The following PIGA variants were observed in gnomAD, a reference collection of about 807,000 sequenced individuals.
PIGA encodes phosphatidylinositol glycan anchor biosynthesis class A.
PIGA carries 3 observed loss-of-function variants against 17.1 expected under a neutral mutation model. The observed-to-expected ratio is 0.18, with a 90% confidence interval of 0.08 to 0.45. The LOEUF (loss-of-function observed/expected upper bound fraction) is 0.45, where lower values mean the gene tolerates loss of function less well. PIGA is among the 20% of genes least tolerant of loss of function. PIGA has a pLI of 0.99. For synonymous variants in PIGA, 126 were observed against 135.1 expected, an observed-to-expected ratio of 0.93 and a Z score of 0.47; for missense variants, 231 against 374.1, an observed-to-expected ratio of 0.62 and a Z score of 3.16.
intron 1 of PIGA, among the ~76,000 whole-genome samples, chrX:15,332,861 C>T (rs1922208545): frequency 8.9e-6 from 1 of 111,924 alleles, no homozygotes; most frequent in East Asian, 2.8e-4. Context: ...AGCCATCCAG[C>T]CAACTTACCA....
intron 5 of PIGA, among the ~76,000 whole-genome samples, chrX:15,322,774 T>C (rs1921855334): frequency 8.9e-6 from 1 of 112,011 alleles, no homozygotes; most frequent in Admixed American, 9.5e-5. Flanking sequence ...TTGAGAATTA[T>C]GCTGAGACTG....
chrX:15,333,078 T>C (rs1922215385), intron 1 of PIGA, among the ~76,000 whole-genome samples: 1 of 112,203 alleles, frequency 8.9e-6, no homozygotes, highest in Admixed American at 9.4e-5. Context: ...TAAAGTTTTA[T>C]AGGCTCATAG....
chrX:15,327,920 TAAG>T, intron 2 of PIGA: 2 of 111,947 alleles, frequency 1.8e-5, no homozygotes, highest in Non-Finnish European at 3.8e-5. Context: ...ATTCTTATTC[TAAG>T]AATAAGGGCT....
rs185874005 is a variant in PIGA at position 15,335,488 on chromosome X, G to C, written c.-63+13C>G. ...CCAGAGCGCTGGAGAGGGGCGGCGC[G>C]ACGCGCACTCACCGGTGAGTTCCAT... On this transcript the variant is annotated intron_variant, in intron 1 of 5. Coordinates refer to ENST00000333590, the MANE Select transcript of PIGA (RefSeq NM_002641.4). The C allele has an allele frequency of 1.2e-5, 12 of 984,585 alleles. No homozygotes were observed. In the African/African-American group the frequency reaches 1.6e-4, roughly 13 times the overall value. 81.1% of individuals were successfully genotyped at this position (984,585 alleles called of 1,213,427 possible).
Position 15,321,312 on chromosome X carries a change from T to C in PIGA, c.*194A>G. ...TGTTCTCTCCTAAATTTTAAATAAG[T>C]GCAAGAAGTTTCTACACTCAGGAAT... On this transcript the variant is annotated 3_prime_UTR_variant, in exon 6 of 6. Transcript: ENST00000333590. 2 of 392,478 alleles carry C rather than the reference T, an allele frequency of 5.1e-6. No individual in the cohort carries two copies. The highest frequency in any genetic ancestry group is 8.8e-6 in the Non-Finnish European group (2 of 227,138). 32.3% of individuals were successfully genotyped at this position (392,478 alleles called of 1,213,427 possible).
chrX:15,322,842 C>T (rs1335540899), intron 5 of PIGA, among the ~76,000 whole-genome samples: 1 of 111,807 alleles, frequency 8.9e-6, no homozygotes, highest in Non-Finnish European at 1.9e-5. Context: ...ATTTCATGAT[C>T]GATTTCCTAA....
At chrX:15,324,308 AAT>A (rs1921904447) in intron 5 of PIGA, among the ~76,000 whole-genome samples, 1 of 112,463 alleles carries the variant, frequency 8.9e-6, no homozygotes, top group African/African-American at 3.2e-5. Context: ...TGCATTTCCT[AAT>A]AGAGATGTTT....
chrX:15,327,472 A>C (rs769839030), intron 2 of PIGA, among the ~76,000 whole-genome samples: 4 of 111,737 alleles, frequency 3.6e-5, no homozygotes, highest in African/African-American at 9.7e-5. Flanking sequence ...TTTATTAAAT[A>C]ATACAAAGTA....
intron 2 of PIGA, chrX:15,326,477 G>T (rs1921976782): frequency 8.9e-6 from 1 of 112,250 alleles, no homozygotes; most frequent in Admixed American, 9.5e-5. Context: ...TCGTGGGGAA[G>T]TTTCAAGATC....
intron 3 of PIGA, chrX:15,325,566 G>A (rs1046620629): frequency 6.5e-6 from 1 of 153,182 alleles, no homozygotes; most frequent in African/African-American, 3.1e-5. Flanking sequence ...TGTATGTGCA[G>A]AGCAATTTAC....
upstream of PIGA, chrX:15,335,529 G>C (rs1057522014): frequency 1.3e-5 from 13 of 969,693 alleles, no homozygotes; most frequent in African/African-American, 2.0e-5. Flanking sequence ...CCAGTGTCCG[G>C]ACCTCCCGCG....
At chrX:15,335,121 C>T (rs1436059437) in intron 1 of PIGA, among the ~76,000 whole-genome samples, 1 of 112,403 alleles carries the variant, frequency 8.9e-6, no homozygotes, top group Non-Finnish European at 1.9e-5. Context: ...TTCCCTGATT[C>T]CCTGAGAGGT....
At chrX:15,326,188 G>A in intron 2 of PIGA, 142 bp from the exon 3 acceptor site, 1 of 360,920 alleles carries the variant, frequency 2.8e-6, no homozygotes, top group Non-Finnish European at 4.7e-6. Flanking sequence ...CCTTTTCCAG[G>A]AGTGGAATTG....
chrX:15,334,185 C>CTTTTT (rs35688150), intron 1 of PIGA, among the ~76,000 whole-genome samples: 5 of 62,942 alleles, frequency 7.9e-5, no homozygotes, highest in East Asian at 4.5e-4. Context: ...AATTCATCTA[C>CTTTTT]TTTTTTTTTT....
rs1280913705 is a variant in PIGA at position 15,320,842 on chromosome X, TATG to T, written c.*661_*663del. 9.0e-6 allele frequency: 1 copy of T among 111,266 alleles called. No homozygotes were observed. Among genetic ancestry groups the T allele is most frequent in the Non-Finnish European group, 1.9e-5 (1 of 53,044 alleles). The allele number at this position is 111,266 out of a possible 1,213,427, so 9.2% of individuals were successfully genotyped here. Reference sequence around the variant, plus strand: ...ATATTGATCTCATATCAACCACAATTATGATGAAGTAAGCCATTTGAATGGTAA... The same window carrying T: ...ATATTGATCTCATATCAACCACAATTATGAAGTAAGCCATTTGAATGGTAA... On this transcript the variant is annotated 3_prime_UTR_variant, in exon 6 of 6. Transcript: ENST00000333590.
chrX:15,330,087 C>CA (rs35388853), intron 2 of PIGA, among the ~76,000 whole-genome samples: 60 of 95,664 alleles, frequency 6.3e-4, no homozygotes, highest in South Asian at 1.9e-3. Flanking sequence ...GACTCCGTCT[C>CA]AAAAAAAAAA....
At chrX:15,327,722 C>T (rs1922027159) in intron 2 of PIGA, 1 of 111,157 alleles carries the variant, frequency 9.0e-6, no homozygotes. Context: ...TTTTCTTTCT[C>T]GTACAAGGTT....
chrX:15,331,623 G>A lies in PIGA; in HGVS notation c.308C>T (p.Ala103Val), dbSNP rs756212857. 1.2e-5 allele frequency: 14 copies of A among 1,210,051 alleles called. No homozygotes were observed. Among genetic ancestry groups the A allele is most frequent in the Non-Finnish European group, 1.6e-5 (14 of 895,031 alleles). Reference sequence around the variant, plus strand: ...TGGCAGACTGTGAAAGAGGGTCGTGGCTGTAGACTGGTTGTACATGACTTT... The same window carrying A: ...TGGCAGACTGTGAAAGAGGGTCGTGACTGTAGACTGGTTGTACATGACTTT... ...PLKVMYNQST[A>V]TTLFHSLPLL... The change falls in exon 2 of 6, where the codon GCC (alanine) becomes GTC (valine). Residue 103 changes from alanine to valine, a missense_variant. Physicochemically the swap from Ala to Val is moderately conservative, Grantham distance 64. Coordinates refer to ENST00000333590, the MANE Select transcript of PIGA (RefSeq NM_002641.4).
rs1446838853 is a variant in PIGA, at chrX:15,320,128, A to C, written c.*1378T>G. 1.8e-5 allele frequency: 2 copies of C among 112,934 alleles called. No individual in the cohort carries two copies. Among genetic ancestry groups the C allele is most frequent in the African/African-American group, 6.4e-5 (2 of 31,137 alleles). 9.3% of individuals were successfully genotyped at this position (112,934 alleles called of 1,213,427 possible). A position where few individuals can be genotyped will look rare whatever the true frequency, so the allele number is the denominator to read the frequency against. ...AACACAAATATATTTCTTTTATATC[A>C]GTGCAACCAGTTAATAGGCATGTTA... is the stretch of plus-strand genomic sequence containing the variant. On this transcript the variant is annotated 3_prime_UTR_variant, in exon 6 of 6. Transcript: ENST00000333590.
Sources: gnomAD v4.1 joint callset for allele counts (sites outside exome capture counted in the v4.1 genomes callset) on GRCh38, gnomAD v4.1.1 for gene constraint, MANE v1.5 for transcripts, NCBI Gene and HGNC (gene_info 2026-07-23, HGNC 2026-07-21) for gene names.